SMAD3: variants seen among roughly 807,000 people sequenced by gnomAD.
SMAD3 encodes the protein SMAD family member 3, also known as MAD homolog 3.
A neutral mutation model predicts 51.8 loss-of-function variants in SMAD3; 12 were observed. The ratio of observed to expected loss-of-function variants is 0.23; its 90% CI spans 0.15 to 0.38. The LOEUF (loss-of-function observed/expected upper bound fraction) is 0.38. Among genes scored for constraint, SMAD3 ranks in the 10% least tolerant of loss-of-function variants. The pLI is 1.00. For synonymous variants in SMAD3, 238 were observed against 227.7 expected, an observed-to-expected ratio of 1.05 and a Z score of -0.41; for missense variants, 294 against 565.6, an observed-to-expected ratio of 0.52 and a Z score of 4.87.
At chr15:67,189,388 T>C (rs1316400239) in intron 8 of SMAD3, among the ~76,000 whole-genome samples, 2 of 152,292 alleles carry the variant, frequency 1.3e-5, no homozygotes, top group Non-Finnish European at 2.9e-5. Flanking sequence ...TGGTGTGGCA[T>C]TGCAGCTCTC....
At chr15:67,159,552 A>T (rs1477297319) in intron 1 of SMAD3, among the ~76,000 whole-genome samples, 1 of 152,162 alleles carries the variant, frequency 6.6e-6, no homozygotes, top group African/African-American at 2.4e-5. Flanking sequence ...AGTATGACAA[A>T]TGATGATATA....
intron 2 of SMAD3, 58 bp downstream of exon 2, chr15:67,165,146 CGG>C: frequency 6.2e-7 from 1 of 1,610,854 alleles, no homozygotes; most frequent in Non-Finnish European, 8.5e-7. Context: ...CACCTCTCCC[CGG>C]CTCCCCATCC....
At position 67,088,033 on chromosome 15, in the gene SMAD3, C is replaced by G. The variant is rs74019899; in HGVS notation, c.206+21673C>G. 2.6e-5 allele frequency among the ~76,000 whole-genome samples: 4 copies of G among 152,104 alleles called. No individual in the cohort carries two copies. In the East Asian group the frequency reaches 7.7e-4, roughly 29 times the overall value. On this transcript the variant is annotated intron_variant, in intron 1 of 8. Transcript: ENST00000327367. ...ATTGACAGCTCAGATGTGATCACTC[C>G]GTCTCAACTAGAAGAATAAAAATAA...
rs1317782017 is a variant in SMAD3, at chr15:67,195,019, T to C, written c.*4483T>C. 4.3e-6 allele frequency: 1 copy of C among 233,536 alleles called. No individual in the cohort carries two copies. The highest frequency in any genetic ancestry group is 2.2e-5 in the African/African-American group (1 of 45,340). The allele number at this position is 233,536 out of a possible 1,614,324, so 14.5% of individuals were successfully genotyped here. On this transcript the variant is annotated 3_prime_UTR_variant, in exon 9 of 9. Transcript: ENST00000327367. ...TTAATAACTTTGTAAAAAGCATGTA[T>C]GTATTTATAGTGTTTTAGATTTTTC...
Position 67,129,021 on chromosome 15 carries a change from G to A in SMAD3, c.207-35874G>A, listed in dbSNP as rs531601943. ...GAAACTCAGGCCCAGCCACTTACCC[G>A]AGGCCACATAGTCCCAGGTAGAGTT... On this transcript the variant is annotated intron_variant, in intron 1 of 8. Transcript: ENST00000327367. Among the ~76,000 whole-genome samples the A allele has an allele frequency of 3.8e-3, 583 of 152,208 alleles. 4 individuals carry two copies. The highest frequency in any genetic ancestry group is 0.013 in the African/African-American group (547 of 41,518).
chr15:67,180,629 G>A (rs1004759659), intron 5 of SMAD3, among the ~76,000 whole-genome samples: 10 of 151,490 alleles, frequency 6.6e-5, no homozygotes, highest in African/African-American at 1.9e-4. Context: ...TGTCCACTGC[G>A]CCAACATGGG....
At chr15:67,097,711 G>A in intron 1 of SMAD3, among the ~76,000 whole-genome samples, 1 of 152,166 alleles carries the variant, frequency 6.6e-6, no homozygotes, top group East Asian at 1.9e-4. Context: ...TCTGGTCCAT[G>A]GGACTGAATC....
chr15:67,067,220 T>C (rs1343628217), intron 1 of SMAD3, among the ~76,000 whole-genome samples: 1 of 152,182 alleles, frequency 6.6e-6, no homozygotes, highest in Non-Finnish European at 1.5e-5. Context: ...AGAGCCTTCC[T>C]TCCCAAAGCG....
At chr15:67,074,885 G>A (rs979082905) in intron 1 of SMAD3, among the ~76,000 whole-genome samples, 2 of 151,992 alleles carry the variant, frequency 1.3e-5, no homozygotes, top group South Asian at 4.1e-4. Context: ...AGATGGGGTA[G>A]GACTCCAGTA....
chr15:67,095,412 G>A (rs1363552686), intron 1 of SMAD3, among the ~76,000 whole-genome samples: 1 of 152,150 alleles, frequency 6.6e-6, no homozygotes, highest in Non-Finnish European at 1.5e-5. Context: ...GTGGAAGTGT[G>A]TCTTGAGCCT....
At chr15:67,143,580 A>G (rs183291999) in intron 1 of SMAD3, among the ~76,000 whole-genome samples, 1 of 151,758 alleles carries the variant, frequency 6.6e-6, no homozygotes, top group East Asian at 2.0e-4. Flanking sequence ...GACTACAGGC[A>G]TACACCACTA....
intron 5 of SMAD3, among the ~76,000 whole-genome samples, chr15:67,176,218 G>A (rs1030862280): frequency 6.6e-6 from 1 of 152,188 alleles, no homozygotes; most frequent in African/African-American, 2.4e-5. Flanking sequence ...GGGACACAAG[G>A]TTAATTCTGC....
Position 67,189,256 on chromosome 15 carries a change from A to G in SMAD3, c.1155-1157A>G, listed in dbSNP as rs367561231. Among the ~76,000 whole-genome samples the G allele has an allele frequency of 3.9e-4, 60 of 152,228 alleles. No homozygotes were observed. The South Asian group carries it at 9.7e-3, about 25-fold the overall frequency. On this transcript the variant is annotated intron_variant, in intron 8 of 8. Transcript: ENST00000327367. Reference sequence around the variant, plus strand: ...GTAGTCTGGAGGGCCACACTCAGGTACCCTCGCTCGTGCAGACACCCCAGG... The same window carrying G: ...GTAGTCTGGAGGGCCACACTCAGGTGCCCTCGCTCGTGCAGACACCCCAGG...
chr15:67,132,532 A>C (rs866018809), intron 1 of SMAD3, among the ~76,000 whole-genome samples: 1 of 152,282 alleles, frequency 6.6e-6, no homozygotes, highest in South Asian at 2.1e-4. Flanking sequence ...CAGGGACTCC[A>C]AGGCTGTAGA....
chr15:67,105,992 G>A lies in SMAD3; in HGVS notation c.206+39632G>A, dbSNP rs372396953. Among the ~76,000 whole-genome samples, 539 of 152,186 alleles carry A rather than the reference G, an allele frequency of 3.5e-3. 1 individual carries two copies. The highest frequency in any genetic ancestry group is 0.012 in the African/African-American group (499 of 41,514). On this transcript the variant is annotated intron_variant, in intron 1 of 8. Coordinates refer to ENST00000327367, the MANE Select transcript of SMAD3 (RefSeq NM_005902.4). ...CAGACCTCAGGAAGCAATCATTTTA[G>A]CCTCTTCTCCTTCTCCCTCACCATC...
chr15:67,123,654 G>A (rs1253338884), intron 1 of SMAD3, among the ~76,000 whole-genome samples: 1 of 152,220 alleles, frequency 6.6e-6, no homozygotes, highest in African/African-American at 2.4e-5. Context: ...GTACATAGGA[G>A]GCACTCAGAT....
At chr15:67,117,001 A>G (rs1183426237) in intron 1 of SMAD3, among the ~76,000 whole-genome samples, 1 of 152,096 alleles carries the variant, frequency 6.6e-6, no homozygotes, top group African/African-American at 2.4e-5. Context: ...GCCATTCTGG[A>G]CTACTTCACC....
intron 1 of SMAD3, among the ~76,000 whole-genome samples, chr15:67,125,473 T>C (rs921162064): frequency 1.3e-5 from 2 of 152,220 alleles, no homozygotes; most frequent in African/African-American, 4.8e-5. Flanking sequence ...GTCAGTCCTG[T>C]GACCTGGCCT....
At chr15:67,114,787 G>A (rs1415756516) in intron 1 of SMAD3, among the ~76,000 whole-genome samples, 1 of 152,126 alleles carries the variant, frequency 6.6e-6, no homozygotes, top group East Asian at 1.9e-4. Flanking sequence ...CCTTCAAACA[G>A]GTAAGCACAG....
Sources: gnomAD v4.1 joint callset for allele counts (sites outside exome capture counted in the v4.1 genomes callset) on GRCh38, gnomAD v4.1.1 for gene constraint, MANE v1.5 for transcripts, NCBI Gene and HGNC (gene_info 2026-07-23, HGNC 2026-07-21) for gene names.